MTR: variants seen among roughly 807,000 people sequenced by gnomAD.
MTR encodes the protein methionine synthase.
In MTR, 84 loss-of-function variants were observed where a neutral mutation model predicts 154.8. The ratio of observed to expected loss-of-function variants is 0.54; its 90% confidence interval spans 0.45 to 0.65. MTR has a LOEUF of 0.65. Among genes scored for constraint, MTR ranks in the 30% least tolerant of loss-of-function variants. The pLI is 0.00. For synonymous variants in MTR, 554 were observed against 553.9 expected, an observed-to-expected ratio of 1.00 and a Z score of 0.00; for missense variants, 1,275 against 1,570.2, an observed-to-expected ratio of 0.81 and a Z score of 3.18.
intron 21 of MTR, 34 bp downstream of exon 21, chr1:236,862,377 G>A (rs1664594535): frequency 6.4e-7 from 1 of 1,565,678 alleles, no homozygotes; most frequent in Non-Finnish European, 8.8e-7. Flanking sequence ...TGGGCCTTTA[G>A]TGGGTTGACC....
intron 19 of MTR, 44 bp downstream of exon 19, chr1:236,859,966 G>A (rs372072889): frequency 1.3e-4 from 201 of 1,528,736 alleles, no homozygotes; most frequent in Non-Finnish European, 1.7e-4. Context: ...GGCTCATCAT[G>A]GCTGACTGAT....
In MTR at chr1:236,894,479, G is replaced by A. The variant is rs780322734; in HGVS notation, c.3327G>A (p.Glu1109=). Residue 1109 remains glutamate, a synonymous_variant, in exon 30 of 33, where the codon GAG becomes GAA. Transcript: ENST00000366577. ...LFAVACFGVE[E]LSKAYEDDGD... Reference sequence around the variant, plus strand: ...CCGTTGCCTGCTTTGGGGTAGAAGAGCTGAGCAAGGCCTATGAGGATGATG... The same window carrying A: ...CCGTTGCCTGCTTTGGGGTAGAAGAACTGAGCAAGGCCTATGAGGATGATG... 1.2e-6 allele frequency: 2 copies of A among 1,614,128 alleles called. No homozygotes were observed. Among genetic ancestry groups the A allele is most frequent in the South Asian group, 2.2e-5 (2 of 91,080 alleles).
At chr1:236,857,079 G>T (rs571048293) in intron 18 of MTR, among the ~76,000 whole-genome samples, 1 of 152,212 alleles carries the variant, frequency 6.6e-6, no homozygotes, top group South Asian at 2.1e-4. Flanking sequence ...TGGTATTTCT[G>T]GTTCTAGATC....
chr1:236,824,160 C>T lies in MTR; in HGVS notation c.806C>T (p.Pro269Leu). 1 of 1,613,920 alleles carries T rather than the reference C, an allele frequency of 6.2e-7. No homozygotes were observed. Among genetic ancestry groups the T allele is most frequent in the Non-Finnish European group, 8.5e-7 (1 of 1,179,986 alleles). Residue 269 changes from proline to leucine, a missense_variant, in exon 9 of 33, where the codon CCT becomes CTT. By Grantham distance (98) the Pro-to-Leu change is moderately conservative (BLOSUM62 -3). Transcript: ENST00000366577. ...GCTTTGGGTGCAGCTGAAATGAGAC[C>T]TTTTATTGAAATAATTGGAAAATGT... ...NCALGAAEMRPFIEIIGKCTT... is the reference protein window; with the variant it reads ...NCALGAAEMRLFIEIIGKCTT...
intron 15 of MTR, among the ~76,000 whole-genome samples, chr1:236,848,945 A>G (rs569845201): frequency 1.3e-5 from 2 of 152,182 alleles, no homozygotes; most frequent in African/African-American, 4.8e-5. Context: ...CTACCCCCTC[A>G]TCTCCACAGA....
rs763558938 is a variant in MTR at position 236,795,670 on chromosome 1, C to T, written c.-34C>T. 1.2e-6 allele frequency: 2 copies of T among 1,613,628 alleles called. No individual in the cohort carries two copies. The highest frequency in any genetic ancestry group is 2.2e-5 in the East Asian group (1 of 44,878). On this transcript the variant is annotated 5_prime_UTR_variant, in exon 1 of 33. Coordinates refer to ENST00000366577, the MANE Select transcript of MTR (RefSeq NM_000254.3). ...ACCTGTGGAGAGCACGTCTTCTCTGCCGCGCCCTCTGCGCAAGGAGGAGAC... is the reference window on the plus strand; with the variant it reads ...ACCTGTGGAGAGCACGTCTTCTCTGTCGCGCCCTCTGCGCAAGGAGGAGAC...
intron 22 of MTR, 23 bp from the exon 23 acceptor site, chr1:236,873,750 C>T (rs1665271366): frequency 6.2e-7 from 1 of 1,603,918 alleles, no homozygotes; most frequent in African/African-American, 1.3e-5. Context: ...TTAATTTTCT[C>T]ATGTCTCATT....
intron 18 of MTR, among the ~76,000 whole-genome samples, chr1:236,853,784 G>A (rs1664050520): frequency 6.6e-6 from 1 of 152,112 alleles, no homozygotes; most frequent in Non-Finnish European, 1.5e-5. Flanking sequence ...CAAGGCTTAG[G>A]TCTGTGCACA....
At chr1:236,880,911 T>C (rs990338957) in intron 25 of MTR, 75 bp downstream of exon 25, 12 of 1,385,350 alleles carry the variant, frequency 8.7e-6, no homozygotes, top group South Asian at 2.3e-5. Context: ...TAACTTAAGA[T>C]CTATTCATTT....
At chr1:236,848,337 C>T (rs1663708278) in intron 15 of MTR, among the ~76,000 whole-genome samples, 1 of 152,124 alleles carries the variant, frequency 6.6e-6, no homozygotes, top group South Asian at 2.1e-4. Flanking sequence ...TGACCAGGAC[C>T]TTGACTTCTT....
intron 8 of MTR, among the ~76,000 whole-genome samples, chr1:236,817,701 G>T (rs1003394117): frequency 6.6e-6 from 1 of 152,186 alleles, no homozygotes; most frequent in Non-Finnish European, 1.5e-5. Context: ...TATCAATTAT[G>T]TGATGTTCTT....
Position 236,795,335 on chromosome 1 carries a change from C to T in MTR, c.-369C>T. ...AAAGGTTCTAAATGTCTGCGGGGCT[C>T]AGAGCCGGATGTCACGTCGTCCTCC... On this transcript the variant is annotated 5_prime_UTR_variant, in exon 1 of 33. Transcript: ENST00000366577. 7.7e-7 allele frequency: 1 copy of T among 1,302,818 alleles called. No homozygotes were observed. Among genetic ancestry groups the T allele is most frequent in the Non-Finnish European group, 1.0e-6 (1 of 1,000,804 alleles). The allele number at this position is 1,302,818 out of a possible 1,614,324, so 80.7% of individuals were successfully genotyped here.
chr1:236,802,070 C>T (rs1156661984), intron 1 of MTR, among the ~76,000 whole-genome samples: 1 of 152,070 alleles, frequency 6.6e-6, no homozygotes, highest in South Asian at 2.1e-4. Flanking sequence ...TGTCACAGGG[C>T]GAGGAAGGTG....
intron 22 of MTR, among the ~76,000 whole-genome samples, chr1:236,867,735 G>A (rs1415758287): frequency 6.6e-6 from 1 of 152,196 alleles, no homozygotes; most frequent in Non-Finnish European, 1.5e-5. Flanking sequence ...TCTCATAGAT[G>A]ACTTTGAGGG....
intron 2 of MTR, among the ~76,000 whole-genome samples, chr1:236,803,981 G>T (rs1263995102): frequency 6.6e-6 from 1 of 152,184 alleles, no homozygotes; most frequent in Non-Finnish European, 1.5e-5. Flanking sequence ...CTTAAAGGTG[G>T]TTGGTATCTT....
Position 236,813,919 on chromosome 1 carries a change from A to AT in MTR, c.609+1082dup, listed in dbSNP as rs1208741813. Among the ~76,000 whole-genome samples the AT allele has an allele frequency of 3.3e-5, 5 of 151,998 alleles. No homozygotes were observed. In the South Asian group the frequency reaches 1.0e-3, roughly 32 times the overall value. On this transcript the variant is annotated intron_variant, in intron 6 of 32. Coordinates refer to ENST00000366577, the MANE Select transcript of MTR (RefSeq NM_000254.3). ...TTGTGTGGTTGAATTTACAGATTCT[A>AT]TTTTTTTGTTGTGGGAGGGGGAGAC...
chr1:236,859,986 G>A (rs1319110648), intron 19 of MTR, 64 bp downstream of exon 19: 2 of 1,426,616 alleles, frequency 1.4e-6, no homozygotes, highest in African/African-American at 1.4e-5. Context: ...TCCTGTTGTG[G>A]GCGGTGTGAC....
At chr1:236,897,310 G>GCGCGCGCGCGCGCGCGCGCGCGCGCACA in intron 32 of MTR, among the ~76,000 whole-genome samples, 192 bp downstream of exon 32, 1 of 128,614 alleles carries the variant, frequency 7.8e-6, no homozygotes, top group Non-Finnish European at 1.7e-5. Context: ...CCACACACAC[G>GCGCGCGCGCGCGCGCGCGCGCGCGCACA]CACACACACA....
intron 23 of MTR, among the ~76,000 whole-genome samples, 162 bp from the exon 24 acceptor site, chr1:236,874,564 C>A (rs1169275966): frequency 6.7e-6 from 1 of 149,590 alleles, no homozygotes; most frequent in Non-Finnish European, 1.5e-5. Context: ...GAATGAGACT[C>A]CATCTCAAAA....
Sources: allele counts gnomAD v4.1 joint callset (sites outside exome capture counted in the v4.1 genomes callset), GRCh38; gene constraint gnomAD v4.1.1; transcripts MANE v1.5; gene names NCBI Gene and HGNC (gene_info 2026-07-23, HGNC 2026-07-21).